SORCS1: variants seen among roughly 807,000 people sequenced by gnomAD.
The protein encoded by SORCS1 is sortilin related VPS10 domain containing receptor 1, also known as VPS10 domain-containing receptor SorCS1.
Under a neutral mutation model 146.1 loss-of-function variants are expected in SORCS1, and 60 were observed. The ratio of observed to expected loss-of-function variants is 0.41; its 90% CI spans 0.33 to 0.51. The LOEUF is 0.51. SORCS1 is among the 20% of genes least tolerant of loss of function. SORCS1 has a pLI of 0.21. For missense variants in SORCS1, 1,352 were observed against 1,487.6 expected (o/e 0.91, Z 1.50); for synonymous variants, 637 against 584.0 (o/e 1.09, Z -1.31).
At chr10:107,034,595 G>C (rs1958805047) in intron 1 of SORCS1, among the ~76,000 whole-genome samples, 1 of 139,980 alleles carries the variant, frequency 7.1e-6, no homozygotes, top group Admixed American at 7.9e-5. Flanking sequence ...CAGGAGAATT[G>C]CTTGAACCTG....
intron 1 of SORCS1, among the ~76,000 whole-genome samples, chr10:107,065,448 T>TTTCTTTCTTTCTTTCTTTCTTTCTTTC (rs147159020): frequency 1.6e-5 from 2 of 121,564 alleles, no homozygotes; most frequent in African/African-American, 3.4e-5. Context: ...TCTTTCTTTC[T>TTTCTTTCTTTCTTTCTTTCTTTCTTTC]TTTCTCTCTT....
At chr10:106,679,003 T>C (rs1039327709) in intron 12 of SORCS1, among the ~76,000 whole-genome samples, 1 of 152,200 alleles carries the variant, frequency 6.6e-6, no homozygotes, top group African/African-American at 2.4e-5. Context: ...TTGGTTTCAT[T>C]GTGACTTATA....
At chr10:106,680,666 T>C (rs1418386495) in intron 10 of SORCS1, among the ~76,000 whole-genome samples, 1 of 152,206 alleles carries the variant, frequency 6.6e-6, no homozygotes, top group Non-Finnish European at 1.5e-5. Context: ...GAATTTTGTT[T>C]AAAATAGTTC....
chr10:106,678,761 T>C (rs1326007019), intron 12 of SORCS1, among the ~76,000 whole-genome samples: 1 of 152,188 alleles, frequency 6.6e-6, no homozygotes. Flanking sequence ...TGCATCCTGA[T>C]GGTTATTACT....
intron 18 of SORCS1, among the ~76,000 whole-genome samples, chr10:106,634,237 CG>C (rs1428068976): frequency 6.6e-6 from 1 of 152,102 alleles, no homozygotes; most frequent in Non-Finnish European, 1.5e-5. Flanking sequence ...TCAACTCCGG[CG>C]GGGCTAGGAA....
chr10:106,776,734 A>G (rs1464771791), intron 3 of SORCS1, 42 bp from the exon 4 acceptor site: 1 of 1,584,488 alleles, frequency 6.3e-7, no homozygotes, highest in Non-Finnish European at 8.6e-7. Flanking sequence ...ACAGAAAATT[A>G]AGTTTACAAA....
intron 1 of SORCS1, among the ~76,000 whole-genome samples, chr10:107,042,561 C>T (rs945895688): frequency 2.0e-5 from 3 of 151,890 alleles, no homozygotes; most frequent in Admixed American, 6.5e-5. Flanking sequence ...AGGGGTGGCT[C>T]TCATGCTGTG....
At chr10:106,805,693 T>C (rs763421341) in intron 3 of SORCS1, among the ~76,000 whole-genome samples, 2 of 152,158 alleles carry the variant, frequency 1.3e-5, no homozygotes, top group African/African-American at 2.4e-5. Flanking sequence ...CTATATGGTA[T>C]CTGGATGTGG....
At chr10:106,610,927 A>C (rs1399219641) in intron 22 of SORCS1, among the ~76,000 whole-genome samples, 1 of 152,164 alleles carries the variant, frequency 6.6e-6, no homozygotes, top group Non-Finnish European at 1.5e-5. Flanking sequence ...AAAATACGAA[A>C]AAAATAGCTG....
chr10:106,705,117 C>T (rs573554346), intron 8 of SORCS1, among the ~76,000 whole-genome samples: 5 of 152,200 alleles, frequency 3.3e-5, no homozygotes, highest in Non-Finnish European at 7.4e-5. Flanking sequence ...AAAACAAACA[C>T]TTAAGCCAAA....
intron 24 of SORCS1, among the ~76,000 whole-genome samples, chr10:106,582,364 ATCAG>A (rs1264534109): frequency 6.6e-6 from 1 of 152,218 alleles, no homozygotes. Context: ...CCATCTCTGC[ATCAG>A]TCAGTCATTT....
At chr10:107,137,693 T>C (rs1011944213) in intron 1 of SORCS1, among the ~76,000 whole-genome samples, 6 of 151,886 alleles carry the variant, frequency 4.0e-5, no homozygotes, top group Admixed American at 2.6e-4. Flanking sequence ...AGAAACGCCA[T>C]CTCTACTAAA....
chr10:107,165,292 A>AATGTGTGTGT (rs1554966846), upstream of SORCS1, among the ~76,000 whole-genome samples: 3 of 142,718 alleles, frequency 2.1e-5, no homozygotes, highest in Non-Finnish European at 4.5e-5. This position sits in a 1 kb window ranked among gnomAD's most constrained non-coding sequence, Gnocchi z 4.0. Flanking sequence ...CTCGTGTGTG[A>AATGTGTGTGT]GTGTGTGTGT....
At chr10:106,678,898 A>T (rs1423409625) in intron 12 of SORCS1, among the ~76,000 whole-genome samples, 1 of 152,150 alleles carries the variant, frequency 6.6e-6, no homozygotes, top group Non-Finnish European at 1.5e-5. Context: ...TCAGCATTAG[A>T]TATGTAATCT....
intron 1 of SORCS1, among the ~76,000 whole-genome samples, chr10:107,101,971 C>A (rs1590139639): frequency 6.6e-6 from 1 of 152,132 alleles, no homozygotes; most frequent in African/African-American, 2.4e-5. Context: ...TCTATAATGA[C>A]TTTGCCTATT....
At chr10:106,766,806 T>C (rs1411803513) in intron 4 of SORCS1, among the ~76,000 whole-genome samples, 1 of 152,212 alleles carries the variant, frequency 6.6e-6, no homozygotes, top group Non-Finnish European at 1.5e-5. Flanking sequence ...GTGCACAGTG[T>C]TGTAGTGGCC....
chr10:106,737,479 C>T (rs184214807), intron 5 of SORCS1, among the ~76,000 whole-genome samples: 2 of 151,900 alleles, frequency 1.3e-5, no homozygotes, highest in East Asian at 1.9e-4. Flanking sequence ...GGCTCACACA[C>T]TTTGGGAGGC....
At chr10:106,989,725 C>T (rs564382423) in intron 1 of SORCS1, among the ~76,000 whole-genome samples, 6 of 132,398 alleles carry the variant, frequency 4.5e-5, no homozygotes, top group South Asian at 2.4e-4. Flanking sequence ...CTCACTCTGT[C>T]GCCCAGGCTG....
rs894257446 is a variant in SORCS1, at chr10:106,574,986, C to T, written c.*2434G>A. 5.2e-5 allele frequency: 8 copies of T among 152,598 alleles called. No homozygotes were observed. Among genetic ancestry groups the T allele is most frequent in the African/African-American group, 1.7e-4 (7 of 41,452 alleles). The allele number at this position is 152,598 out of a possible 1,614,324, so 9.5% of individuals were successfully genotyped here. A position where few individuals can be genotyped will look rare whatever the true frequency, so the allele number is the denominator to read the frequency against. ...ATTTCTTCAACAAATAGTTTTCATA[C>T]TACTACTCTAGGCAAGGCACTGTGC... On this transcript the variant is annotated 3_prime_UTR_variant, in exon 26 of 26. Coordinates refer to ENST00000263054, the MANE Select transcript of SORCS1 (RefSeq NM_052918.5).
Sources: allele counts gnomAD v4.1 joint callset (sites outside exome capture counted in the v4.1 genomes callset), GRCh38; gene constraint gnomAD v4.1.1; non-coding constraint Gnocchi (gnomAD v3.1); transcripts MANE v1.5; gene names NCBI Gene and HGNC (gene_info 2026-07-23, HGNC 2026-07-21).